Variants in HMGB1 observed in about 807,000 individuals in gnomAD.
The protein encoded by HMGB1 is high mobility group protein B1.
For synonymous variants in HMGB1, 81 were observed against 84.0 expected (o/e 0.96, Z 0.19); for missense variants, 79 against 253.5 (o/e 0.31, Z 4.67).
chr13:30,480,549 A>G (rs1261801140), intron 1 of HMGB1, among the ~76,000 whole-genome samples: 8 of 152,304 alleles, frequency 5.3e-5, no homozygotes, highest in African/African-American at 1.7e-4. Context: ...GATGAAACCT[A>G]TTTAGATTTG....
chr13:30,482,291 G>A (rs573006132), intron 1 of HMGB1, among the ~76,000 whole-genome samples: 9 of 152,028 alleles, frequency 5.9e-5, no homozygotes, highest in East Asian at 1.9e-4. Flanking sequence ...CTCATTGTCC[G>A]AAAGATTAAA....
At chr13:30,509,530 G>A (rs537662682) in intron 1 of HMGB1, among the ~76,000 whole-genome samples, 2 of 152,142 alleles carry the variant, frequency 1.3e-5, no homozygotes, top group South Asian at 2.1e-4. Context: ...GAGCCACCAC[G>A]CCTGGCCGTG....
rs7319086 is a variant in HMGB1, at chr13:30,615,307, C to G, written c.-15+1364G>C. Among the ~76,000 whole-genome samples the G allele has an allele frequency of 7.4e-3, 1,120 of 152,206 alleles. 18 individuals are homozygous for G. Among genetic ancestry groups the G allele is most frequent in the African/African-American group, 0.025 (1,058 of 41,520 alleles). ...AAGCGTGTTGCCAAAAATATGAATACAGGTTTACAATTCCTTAACTAAAAC... is the reference window on the plus strand; with the variant it reads ...AAGCGTGTTGCCAAAAATATGAATAGAGGTTTACAATTCCTTAACTAAAAC... On this transcript the variant is annotated intron_variant, in intron 1 of 4. Transcript: ENST00000405805.
chr13:30,464,949 G>A (rs1351015281), intron 1 of HMGB1: 3 of 140,266 alleles, frequency 2.1e-5, no homozygotes, highest in Non-Finnish European at 3.0e-5. Context: ...CCCCGCCGCG[G>A]TGGGGGCCGC....
At chr13:30,474,631 T>C (rs1406876049) in intron 1 of HMGB1, among the ~76,000 whole-genome samples, 5 of 152,074 alleles carry the variant, frequency 3.3e-5, no homozygotes, top group South Asian at 4.1e-4. Flanking sequence ...TGGGCAGGTA[T>C]GGTGGCTCAC....
intron 1 of HMGB1, among the ~76,000 whole-genome samples, chr13:30,563,687 C>T (rs948109931): frequency 6.6e-6 from 1 of 152,204 alleles, no homozygotes; most frequent in Non-Finnish European, 1.5e-5. Flanking sequence ...ACTTCAAAGG[C>T]TAGCACAATT....
rs1555231061 is a variant in HMGB1, at chr13:30,456,756, T to TGGGTG, written c.*4600_*4601insCACCC. ...TTCACAGCATAAATAACAGCTTTTG[T>TGGGTG]GGGCGGGGGGGGGGGGTGGTGGGGT... is the stretch of plus-strand genomic sequence containing the variant. On this transcript the variant is annotated 3_prime_UTR_variant, in exon 5 of 5. Coordinates refer to ENST00000341423, the MANE Select transcript of HMGB1 (RefSeq NM_002128.7). The TGGGTG allele has an allele frequency of 1.2e-3, 3 of 2,548 alleles. No homozygotes were observed. The highest frequency in any genetic ancestry group is 2.0e-3 in the Non-Finnish European group (2 of 1,004). The allele number at this position is 2,548 out of a possible 1,614,324, so 0.2% of individuals were successfully genotyped here.
intron 1 of HMGB1, among the ~76,000 whole-genome samples, chr13:30,472,013 T>C (rs1398009415): frequency 6.6e-6 from 1 of 151,186 alleles, no homozygotes; most frequent in African/African-American, 2.4e-5. Flanking sequence ...TGTGGTGGCT[T>C]ATGCCTGTAA....
intron 1 of HMGB1, among the ~76,000 whole-genome samples, chr13:30,551,441 A>G (rs7139718): frequency 6.6e-6 from 1 of 152,228 alleles, no homozygotes. Context: ...ATTTTCCGGT[A>G]GGCCTATAGA....
intron 1 of HMGB1, among the ~76,000 whole-genome samples, chr13:30,479,152 A>G (rs1179142322): frequency 6.6e-6 from 1 of 152,138 alleles, no homozygotes. Context: ...CATAGCTCTA[A>G]ACTTTTACCT....
intron 1 of HMGB1, among the ~76,000 whole-genome samples, chr13:30,583,474 T>C (rs1407546567): frequency 7.3e-6 from 1 of 136,832 alleles, no homozygotes; most frequent in Non-Finnish European, 1.5e-5. Context: ...AAGGCAGCAG[T>C]GAGCTGTGAT....
intron 1 of HMGB1, among the ~76,000 whole-genome samples, chr13:30,486,715 G>T (rs1291581615): frequency 6.6e-6 from 1 of 152,180 alleles, no homozygotes; most frequent in Non-Finnish European, 1.5e-5. Context: ...GGACCAGAGA[G>T]ACTAGAGTGA....
At chr13:30,462,844 T>A in intron 3 of HMGB1, 132 bp from the exon 4 acceptor site, 1 of 698,848 alleles carries the variant, frequency 1.4e-6, no homozygotes. Context: ...GCAAATACTA[T>A]AATATACTAA....
exon 1 of HMGB1, chr13:30,617,492 C>T (rs1339094177): frequency 6.6e-6 from 1 of 152,262 alleles, no homozygotes; most frequent in Non-Finnish European, 1.5e-5. Context: ...TCTCCCACCT[C>T]CGCGGGTCAC....
chr13:30,530,700 C>T (rs535407186), intron 1 of HMGB1, among the ~76,000 whole-genome samples: 1 of 152,258 alleles, frequency 6.6e-6, no homozygotes, highest in East Asian at 1.9e-4. Flanking sequence ...ATATAAATCT[C>T]TGTTGTGGAA....
intron 1 of HMGB1, among the ~76,000 whole-genome samples, chr13:30,576,911 T>C (rs1287226540): frequency 6.6e-6 from 1 of 152,214 alleles, no homozygotes; most frequent in Non-Finnish European, 1.5e-5. Context: ...TGTCATGGAC[T>C]GAATATTTGT....
chr13:30,505,213 T>G (rs1419146963), intron 1 of HMGB1, among the ~76,000 whole-genome samples: 1 of 139,088 alleles, frequency 7.2e-6, no homozygotes, highest in African/African-American at 2.7e-5. Flanking sequence ...AGTCTTGCCC[T>G]TGTCACCCAG....
intron 1 of HMGB1, among the ~76,000 whole-genome samples, chr13:30,611,851 TAAA>T (rs60637307): frequency 2.5e-5 from 3 of 120,542 alleles, no homozygotes; most frequent in Non-Finnish European, 5.6e-5. Context: ...ACAGTAAATG[TAAA>T]AAAAAAAAAA....
intron 1 of HMGB1, among the ~76,000 whole-genome samples, chr13:30,473,558 C>G (rs1259626363): frequency 6.6e-6 from 1 of 152,160 alleles, no homozygotes; most frequent in Non-Finnish European, 1.5e-5. Flanking sequence ...AAATGCTTAT[C>G]ACACACCCAC....
Sources: allele counts gnomAD v4.1 joint callset (sites outside exome capture counted in the v4.1 genomes callset), GRCh38; gene constraint gnomAD v4.1.1; transcripts MANE v1.5; gene names NCBI Gene and HGNC (gene_info 2026-07-23, HGNC 2026-07-21).